INPP5D: variants seen among roughly 807,000 people sequenced by gnomAD.
The protein encoded by INPP5D is phosphatidylinositol 3,4,5-trisphosphate 5-phosphatase 1.
Under a neutral mutation model 122.9 loss-of-function variants are expected in INPP5D, and 33 were observed. The ratio of observed to expected loss-of-function variants is 0.27; its 90% confidence interval spans 0.20 to 0.36. The LOEUF (loss-of-function observed/expected upper bound fraction) is 0.36. Among genes scored for constraint, INPP5D ranks in the 10% least tolerant of loss-of-function variants. The pLI, the probability that INPP5D is intolerant of heterozygous loss-of-function variation, is 1.00. For synonymous variants in INPP5D, 584 were observed against 576.2 expected (o/e 1.01, Z -0.19); for missense variants, 1,053 against 1,412.7 (o/e 0.75, Z 4.08).
chr2:233,087,996 G>A (rs1186953735), intron 2 of INPP5D, among the ~76,000 whole-genome samples: 1 of 151,428 alleles, frequency 6.6e-6, no homozygotes, highest in Admixed American at 6.6e-5. Flanking sequence ...TTTTTCTTGA[G>A]ACAGTGTCTC....
intron 2 of INPP5D, among the ~76,000 whole-genome samples, chr2:233,119,562 G>C (rs554764231): frequency 6.6e-6 from 1 of 152,026 alleles, no homozygotes; most frequent in East Asian, 1.9e-4. Flanking sequence ...AAAGAATTTA[G>C]AACACCCTTT....
intron 2 of INPP5D, among the ~76,000 whole-genome samples, chr2:233,121,360 A>T (rs1692970564): frequency 6.7e-6 from 1 of 150,274 alleles, no homozygotes; most frequent in African/African-American, 2.4e-5. Flanking sequence ...CTGGTCTCGA[A>T]CTCCTGACTT....
intron 2 of INPP5D, among the ~76,000 whole-genome samples, chr2:233,084,099 G>C (rs557142380): frequency 6.6e-6 from 1 of 152,310 alleles, no homozygotes; most frequent in African/African-American, 2.4e-5. Context: ...CTGTAGACCA[G>C]GCTGGAGTGC....
At chr2:233,175,174 T>C (rs1225588454) in intron 17 of INPP5D, among the ~76,000 whole-genome samples, 1 of 118,128 alleles carries the variant, frequency 8.5e-6, no homozygotes, top group Admixed American at 1.2e-4. Context: ...GCCGAGACCA[T>C]GCCACTGCAC....
intron 9 of INPP5D, among the ~76,000 whole-genome samples, chr2:233,151,332 CAA>C: frequency 2.6e-5 from 1 of 38,014 alleles, no homozygotes; most frequent in South Asian, 1.6e-3. Flanking sequence ...ATAATAATAA[CAA>C]TAATAGGCTA....
In INPP5D at chr2:233,183,940, T is replaced by C. The variant is rs1438993878; in HGVS notation, c.2162-468T>C. 6.6e-6 allele frequency among the ~76,000 whole-genome samples: 1 copy of C among 152,196 alleles called. No homozygotes were observed. The highest frequency in any genetic ancestry group is 2.1e-4 in the South Asian group (1 of 4,832). On this transcript the variant is annotated intron_variant, in intron 19 of 26. Transcript: ENST00000445964. The surrounding 1 kb of genome is among the most constrained non-coding windows in gnomAD (Gnocchi z 4.6). ...TACAGTTGCAGGCAAGTTAACTCTG[T>C]ACAAATGAGCTTATGGAGTCCAGAG... is the stretch of plus-strand genomic sequence containing the variant.
Position 233,125,745 on chromosome 2 carries a change from T to G in INPP5D, c.350T>G (p.Val117Gly). 1 of 1,612,024 alleles carries G rather than the reference T, an allele frequency of 6.2e-7. No homozygotes were observed. The highest frequency in any genetic ancestry group is 1.1e-5 in the South Asian group (1 of 90,834). The change falls in exon 4 of 27, where the codon GTA (valine) becomes GGA (glycine). Residue 117 changes from valine (V) to glycine (G), a missense_variant and splice_region_variant. By Grantham distance (109) the Val-to-Gly change is moderately radical. Around this residue, in one of 6 missense-constraint regions of INPP5D, gnomAD observed 196 missense variants for 175.6 expected, o/e 1.12. Transcript: ENST00000445964. ...DTGDDPEEDT[V>G]ESVVSPPELP... is the part of the protein sequence containing the mutation. The stretch of plus-strand genomic sequence containing the variant: ...ATGGCCTTCCTGCTGTTCTCTCCAG[T>G]AGAAAGTGTCGTGTCTCCACCCGAG...
In INPP5D at chr2:233,130,621, C is replaced by A. The variant is rs773396689; in HGVS notation, c.638C>A (p.Thr213Asn). Residue 213 changes from threonine to asparagine, a missense_variant, in exon 5 of 27, where the codon ACC (threonine) becomes AAC (asparagine). Thr to Asn is a moderately conservative substitution (Grantham distance 65). Around this residue, in one of 6 missense-constraint regions of INPP5D, gnomAD observed 196 missense variants for 175.6 expected, o/e 1.12. Coordinates refer to ENST00000445964, the MANE Select transcript of INPP5D (RefSeq NM_001017915.3). ...AGTCTTCCTCACCTGAAGAAACTGACCACACTGCTCTGCAAGGAGCTCTAT... is the reference window on the plus strand; with the variant it reads ...AGTCTTCCTCACCTGAAGAAACTGAACACACTGCTCTGCAAGGAGCTCTAT... ...SSSLPHLKKL[T>N]TLLCKELYGE... The A allele has an allele frequency of 1.9e-6, 3 of 1,614,010 alleles. No individual in the cohort carries two copies. Among genetic ancestry groups the A allele is most frequent in the East Asian group, 4.5e-5 (2 of 44,882 alleles).
rs1006061278 is a variant in INPP5D, at chr2:233,100,299, C to T, written c.198+20901C>T. Among the ~76,000 whole-genome samples, 1 of 152,190 alleles carries T rather than the reference C, an allele frequency of 6.6e-6. No homozygotes were observed. Among genetic ancestry groups the T allele is most frequent in the Non-Finnish European group, 1.5e-5 (1 of 68,036 alleles). On this transcript the variant is annotated intron_variant, in intron 2 of 26. Coordinates refer to ENST00000445964, the MANE Select transcript of INPP5D (RefSeq NM_001017915.3). This position sits in a 1 kb window ranked among gnomAD's most constrained non-coding sequence, Gnocchi z 5.3. ...TATTCATCAGACGCAACTAATTACC[C>T]AACTTGTGAGGCCAGCAACCACACA...
chr2:233,187,407 C>T (rs536301543), intron 21 of INPP5D, among the ~76,000 whole-genome samples: 2 of 152,250 alleles, frequency 1.3e-5, no homozygotes, highest in Admixed American at 1.3e-4. Context: ...GGAGGCTCCC[C>T]TAGGAGATTC....
chr2:233,142,472 G>A (rs910493944), intron 6 of INPP5D, among the ~76,000 whole-genome samples: 3 of 152,130 alleles, frequency 2.0e-5, no homozygotes, highest in East Asian at 1.9e-4. Flanking sequence ...AACTGGGTGC[G>A]TGAGACGTCT....
Position 233,170,454 on chromosome 2 carries a change from G to A in INPP5D, c.1792-42G>A. The stretch of plus-strand genomic sequence containing the variant: ...CCCGAAGCTTGTCAGGCCTGGATCA[G>A]CAGGGCTTCTCACCAGAGGCCCGGG... On this transcript the variant is annotated intron_variant, in intron 15 of 26. Transcript: ENST00000445964. This position sits in a 1 kb window ranked among gnomAD's most constrained non-coding sequence, Gnocchi z 4.5. 1 of 1,612,638 alleles carries A rather than the reference G, an allele frequency of 6.2e-7. No individual in the cohort carries two copies. The highest frequency in any genetic ancestry group is 8.5e-7 in the Non-Finnish European group (1 of 1,179,344).
intron 6 of INPP5D, among the ~76,000 whole-genome samples, chr2:233,144,034 ATGG>A (rs1490691127): frequency 7.5e-6 from 1 of 133,506 alleles, no homozygotes; most frequent in South Asian, 2.3e-4. Flanking sequence ...AGGGGTGGAG[ATGG>A]TGGTGGTGAT....
At chr2:233,155,632 A>G (rs1559323252) in intron 9 of INPP5D, among the ~76,000 whole-genome samples, 2 of 13,662 alleles carry the variant, frequency 1.5e-4, no homozygotes, top group African/African-American at 2.3e-4. Context: ...AAAAATAAAT[A>G]AATAAATAAA....
intron 2 of INPP5D, among the ~76,000 whole-genome samples, chr2:233,112,429 T>C (rs548464780): frequency 1.4e-4 from 21 of 152,236 alleles, no homozygotes; most frequent in Non-Finnish European, 2.9e-4. Flanking sequence ...AGCATTTTCT[T>C]GCTTTCTGGG....
chr2:233,175,167 G>A (rs927929829), intron 17 of INPP5D, among the ~76,000 whole-genome samples: 17 of 124,198 alleles, frequency 1.4e-4, no homozygotes, highest in Middle Eastern at 8.6e-3. Flanking sequence ...GTGGTGAGCC[G>A]AGACCATGCC....
At chr2:233,124,899 A>C (rs759954843) in intron 3 of INPP5D, among the ~76,000 whole-genome samples, 1 of 152,276 alleles carries the variant, frequency 6.6e-6, no homozygotes, top group Non-Finnish European at 1.5e-5. Flanking sequence ...GTTTGGGCCC[A>C]GGGCCTCTTG....
intron 8 of INPP5D, 83 bp downstream of exon 8, chr2:233,146,521 G>A: frequency 1.4e-6 from 1 of 699,222 alleles, no homozygotes; most frequent in South Asian, 1.5e-5. Context: ...GTGGAAAGAG[G>A]GATTGGGGCT....
chr2:233,086,931 T>A (rs1206042353), intron 2 of INPP5D, among the ~76,000 whole-genome samples: 2 of 152,186 alleles, frequency 1.3e-5, no homozygotes. Flanking sequence ...TCCAGCCCTG[T>A]CCCAGACATT....
Sources: gnomAD v4.1 joint callset for allele counts (sites outside exome capture counted in the v4.1 genomes callset) on GRCh38, gnomAD v4.1.1 for gene constraint, gnomAD v4.1.1 regional missense constraint, Gnocchi (gnomAD v3.1) non-coding constraint, MANE v1.5 for transcripts, NCBI Gene and HGNC (gene_info 2026-07-23, HGNC 2026-07-21) for gene names.